The following PDE11A variants were observed in gnomAD, a reference collection of about 807,000 sequenced individuals.
The protein encoded by PDE11A is dual 3',5'-cyclic-AMP and -GMP phosphodiesterase 11A.
Under a neutral mutation model 100.5 loss-of-function variants are expected in PDE11A, and 100 were observed. The ratio of observed to expected loss-of-function variants is 1.00; its 90% CI spans 0.85 to 1.18. The LOEUF (loss-of-function observed/expected upper bound fraction) is 1.18. Among genes scored for constraint, PDE11A ranks in the 50% most tolerant of loss-of-function variants. The probability of loss-of-function intolerance (pLI) is 0.00; values close to 1 mark genes in which losing one functional copy is unlikely to be tolerated. For synonymous variants in PDE11A, 381 were observed against 420.8 expected (o/e 0.91, Z 1.16); for missense variants, 1,141 against 1,152.6 (o/e 0.99, Z 0.15).
intron 17 of PDE11A, 55 bp downstream of exon 17, chr2:177,675,400 C>T: frequency 8.1e-7 from 1 of 1,238,226 alleles, no homozygotes; most frequent in Non-Finnish European, 1.2e-6. Flanking sequence ...TATTGTGTCC[C>T]CCTTACGCCC....
intron 19 of PDE11A, among the ~76,000 whole-genome samples, chr2:177,654,119 G>A (rs1024895567): frequency 1.3e-5 from 2 of 152,118 alleles, no homozygotes; most frequent in South Asian, 4.1e-4. Flanking sequence ...ATAAAATGAG[G>A]CACCAAAGTG....
intron 2 of PDE11A, among the ~76,000 whole-genome samples, chr2:178,007,821 C>G (rs2086228979): frequency 1.3e-5 from 2 of 152,274 alleles, no homozygotes; most frequent in South Asian, 2.1e-4. Flanking sequence ...TCTCCTGCCT[C>G]AGCCTCCCAA....
At chr2:177,637,078 C>T (rs1166458373) in intron 19 of PDE11A, among the ~76,000 whole-genome samples, 1 of 152,202 alleles carries the variant, frequency 6.6e-6, no homozygotes, top group Non-Finnish European at 1.5e-5. Context: ...AGAGGAGTTT[C>T]TATATATTGA....
In PDE11A at chr2:177,629,460, T is replaced by G. The variant is rs199934450; in HGVS notation, c.2749A>C (p.Thr917Pro). ...ELHQKRLLAS[T>P]ASSSPASVMV... ...ACACTGGCAGGGGAGGATGAGGCAG[T>G]TGAGGCCAGCAGTCGTTTTTGGTGT... Residue 917 changes from threonine to proline, a missense_variant, in exon 20 of 20, where the codon ACT (threonine) becomes CCT (proline). Physicochemically the swap from Thr to Pro is conservative, Grantham distance 38. Transcript: ENST00000286063. The G allele has an allele frequency of 6.2e-7, 1 of 1,613,758 alleles. No homozygotes were observed. Among genetic ancestry groups the G allele is most frequent in the South Asian group, 1.1e-5 (1 of 91,070 alleles).
intron 15 of PDE11A, among the ~76,000 whole-genome samples, chr2:177,689,179 TTC>T (rs1198389140): frequency 6.6e-6 from 1 of 152,084 alleles, no homozygotes. Context: ...TCCTCTCGGG[TTC>T]AAGAGATTCT....
intron 2 of PDE11A, among the ~76,000 whole-genome samples, chr2:178,080,132 A>C (rs2087265013): frequency 6.6e-6 from 1 of 152,158 alleles, no homozygotes; most frequent in Non-Finnish European, 1.5e-5. Context: ...TGTTGTGCAG[A>C]AGCTCTTTAG....
chr2:177,702,314 CAA>C (rs11352844), intron 13 of PDE11A, among the ~76,000 whole-genome samples: 1,636 of 140,758 alleles, frequency 0.012, 15 homozygotes, highest in African/African-American at 0.036. Flanking sequence ...GACTCCGTCT[CAA>C]AAAAAAAAAA....
At chr2:177,765,601 T>C (rs560859281) in intron 10 of PDE11A, among the ~76,000 whole-genome samples, 1 of 152,346 alleles carries the variant, frequency 6.6e-6, no homozygotes, top group South Asian at 2.1e-4. Context: ...ATTAGGCTGC[T>C]GCCTTCTGTT....
intron 10 of PDE11A, among the ~76,000 whole-genome samples, chr2:177,748,801 T>G (rs1255863926): frequency 6.6e-6 from 1 of 152,114 alleles, no homozygotes; most frequent in Admixed American, 6.5e-5. Flanking sequence ...AATCAAATCT[T>G]TTTCTGAATG....
chr2:177,815,705 T>A (rs2083026919), intron 9 of PDE11A, among the ~76,000 whole-genome samples: 1 of 152,226 alleles, frequency 6.6e-6, no homozygotes, highest in Non-Finnish European at 1.5e-5. Context: ...CATAGATAGA[T>A]AACTATAATT....
intron 9 of PDE11A, among the ~76,000 whole-genome samples, chr2:177,816,183 C>G (rs1333529629): frequency 6.6e-6 from 1 of 151,868 alleles, no homozygotes; most frequent in Non-Finnish European, 1.5e-5. Context: ...TGTACTCCAG[C>G]CTGGGCAAAA....
At chr2:177,929,941 T>A (rs1332524739) in intron 2 of PDE11A, among the ~76,000 whole-genome samples, 2 of 152,190 alleles carry the variant, frequency 1.3e-5, no homozygotes, top group Non-Finnish European at 2.9e-5. Context: ...TAAATATGAT[T>A]ATAATAAACA....
intron 2 of PDE11A, among the ~76,000 whole-genome samples, chr2:178,089,397 T>C (rs1315035190): frequency 6.6e-6 from 1 of 152,172 alleles, no homozygotes; most frequent in Non-Finnish European, 1.5e-5. Context: ...GTGGAGCTTA[T>C]AGCTAAGGAG....
At chr2:177,959,940 A>G (rs1249810264) in intron 2 of PDE11A, among the ~76,000 whole-genome samples, 1 of 152,204 alleles carries the variant, frequency 6.6e-6, no homozygotes, top group Non-Finnish European at 1.5e-5. Flanking sequence ...CTTTTAATAA[A>G]GTAACAATAA....
At chr2:178,054,115 G>T (rs4474917) in intron 1 of PDE11A, among the ~76,000 whole-genome samples, 47,149 of 151,930 alleles carry the variant, frequency 0.31, 7,402 homozygotes, top group Non-Finnish European at 0.33. Context: ...AAGGCTACAG[G>T]AACCAAAACA....
intron 2 of PDE11A, among the ~76,000 whole-genome samples, chr2:177,959,069 A>G (rs1225375125): frequency 6.6e-6 from 1 of 152,210 alleles, no homozygotes; most frequent in East Asian, 1.9e-4. Context: ...GAAAAGAGTA[A>G]CTTGAAGGTC....
chr2:177,629,155 T>C lies in PDE11A; in HGVS notation c.*252A>G. On this transcript the variant is annotated 3_prime_UTR_variant, in exon 20 of 20. Transcript: ENST00000286063. ...ACAGTCCCCTACCCAGAGCCTTCAT[T>C]TCAGCCCATGCGTGTTCATTAGGGA... 1.9e-6 allele frequency: 1 copy of C among 525,472 alleles called. No homozygotes were observed. Among genetic ancestry groups the C allele is most frequent in the East Asian group, 3.5e-5 (1 of 28,580 alleles). The allele number at this position is 525,472 out of a possible 1,614,324, so 32.6% of individuals were successfully genotyped here.
At chr2:177,793,484 T>C (rs1574148474) in intron 9 of PDE11A, among the ~76,000 whole-genome samples, 1 of 134,214 alleles carries the variant, frequency 7.5e-6, no homozygotes, top group South Asian at 2.3e-4. Context: ...AGTGGCTGGA[T>C]GAGGATGGTG....
intron 9 of PDE11A, among the ~76,000 whole-genome samples, chr2:177,790,461 T>C (rs2082613009): frequency 6.6e-6 from 1 of 151,734 alleles, no homozygotes; most frequent in Non-Finnish European, 1.5e-5. Context: ...GGCATTACCA[T>C]TCAGGACATA....
Sources: allele counts gnomAD v4.1 joint callset (sites outside exome capture counted in the v4.1 genomes callset), GRCh38; gene constraint gnomAD v4.1.1; transcripts MANE v1.5; gene names NCBI Gene and HGNC (gene_info 2026-07-23, HGNC 2026-07-21).